ZNF222: variants seen among roughly 807,000 people sequenced by gnomAD.
ZNF222 encodes the protein zinc finger protein 222.
In ZNF222, 8 loss-of-function variants were observed where a neutral mutation model predicts 11.6. That is an observed-to-expected ratio of 0.69 (90% CI 0.41 to 1.25). The LOEUF is 1.25. ZNF222 is among the 50% of genes most tolerant of loss of function. The pLI, the probability that ZNF222 is intolerant of heterozygous loss-of-function variation, is 0.01. For missense variants in ZNF222, 483 were observed against 576.1 expected, an observed-to-expected ratio of 0.84 and a Z score of 1.65; for synonymous variants, 171 against 195.6, an observed-to-expected ratio of 0.87 and a Z score of 1.05.
intron 3 of ZNF222, among the ~76,000 whole-genome samples, chr19:44,030,529 G>C (rs1265872742): frequency 6.6e-6 from 1 of 152,226 alleles, no homozygotes; most frequent in Admixed American, 6.5e-5. Context: ...TATCCTCACA[G>C]TTACTGATTC....
intron 1 of ZNF222, among the ~76,000 whole-genome samples, chr19:44,026,554 A>AT (rs1329786054): frequency 2.2e-4 from 29 of 129,502 alleles, no homozygotes; most frequent in African/African-American, 1.0e-3. Context: ...ATATATATAT[A>AT]TATTTTTTTT....
rs1331848231 is a variant in ZNF222 at position 44,032,881 on chromosome 19, G to A, written c.1327G>A (p.Gly443Arg). ...AAAGCCATTGAAATGTGAAGACTGT[G>A]GAAAGAGGCTTGTATGCCGGTCATA... ...QRKPLKCEDC[G>R]KRLVCRSYCK... Residue 443 changes from glycine (G) to arginine (R), a missense_variant, in exon 4 of 4, where the codon GGA becomes AGA. By Grantham distance (125) the Gly-to-Arg change is moderately radical. Coordinates refer to ENST00000391960, the MANE Select transcript of ZNF222 (RefSeq NM_001129996.2). 2 of 1,613,694 alleles carry A rather than the reference G, an allele frequency of 1.2e-6. No individual in the cohort carries two copies. Among genetic ancestry groups the A allele is most frequent in the African/African-American group, 2.7e-5 (2 of 74,876 alleles).
At chr19:44,031,685 G>A in intron 3 of ZNF222, 132 bp from the exon 4 acceptor site, 1 of 976,822 alleles carries the variant, frequency 1.0e-6, no homozygotes, top group Non-Finnish European at 1.5e-6. Context: ...GCATCACCAT[G>A]TTGGCCAGGA....
chr19:44,029,181 G>GTTTTTTTTT (rs142571594), intron 3 of ZNF222, among the ~76,000 whole-genome samples: 5 of 113,718 alleles, frequency 4.4e-5, no homozygotes, highest in African/African-American at 1.3e-4. Flanking sequence ...TTGTTGGTTT[G>GTTTTTTTTT]TTTTGTTTTG....
At chr19:44,028,593 A>G (rs1220415586) in intron 3 of ZNF222, among the ~76,000 whole-genome samples, 1 of 152,040 alleles carries the variant, frequency 6.6e-6, no homozygotes, top group Admixed American at 6.5e-5. Flanking sequence ...TGTCTCATGT[A>G]TTTTTGTCTA....
chr19:44,025,907 A>G lies in ZNF222; in HGVS notation c.42+429A>G. The G allele has an allele frequency of 9.7e-7, 1 of 1,029,104 alleles. No individual in the cohort carries two copies. Among genetic ancestry groups the G allele is most frequent in the South Asian group, 1.6e-5 (1 of 62,680 alleles). 63.7% of individuals were successfully genotyped at this position (1,029,104 alleles called of 1,614,324 possible). A position where few individuals can be genotyped will look rare whatever the true frequency, so the allele number is the denominator to read the frequency against. Reference sequence around the variant, plus strand: ...GCCGGCCCTTCTGCCTGATCCCTGCAGGACGCTGGATGATCCCTGACGCCT... The same window carrying G: ...GCCGGCCCTTCTGCCTGATCCCTGCGGGACGCTGGATGATCCCTGACGCCT... On this transcript the variant is annotated intron_variant, in intron 1 of 3. Coordinates refer to ENST00000391960, the MANE Select transcript of ZNF222 (RefSeq NM_001129996.2). The surrounding 1 kb of genome is among the most constrained non-coding windows in gnomAD (Gnocchi z 4.6).
rs1165494708 is a variant in ZNF222, at chr19:44,025,467, C to G, written c.31C>G (p.Arg11Gly). 1 of 1,550,304 alleles carries G rather than the reference C, an allele frequency of 6.5e-7. No homozygotes were observed. Among genetic ancestry groups the G allele is most frequent in the South Asian group, 1.2e-5 (1 of 83,944 alleles). MIDSGEKKPG[R>G]RAEEAVTFKD... ...CGATTCAGGAGAAAAGAAGCCTGGG[C>G]GGAGAGCAGAGGTTTGGAGGGGCGC... Residue 11 changes from arginine (R) to glycine (G), a missense_variant, in exon 1 of 4, where the codon CGG (arginine) becomes GGG (glycine). Physicochemically the swap from Arg to Gly is moderately radical, Grantham distance 125 (BLOSUM62 -2). Coordinates refer to ENST00000391960, the MANE Select transcript of ZNF222 (RefSeq NM_001129996.2). This position sits in a 1 kb window ranked among gnomAD's most constrained non-coding sequence, Gnocchi z 4.6.
Position 44,027,472 on chromosome 19 carries a change from CA to C in ZNF222, c.247del (p.Arg83GlufsTer38). 1 of 1,613,960 alleles carries C rather than the reference CA, an allele frequency of 6.2e-7. No individual in the cohort carries two copies. The highest frequency in any genetic ancestry group is 8.5e-7 in the Non-Finnish European group (1 of 1,179,948). ...EKFWVMGTTS[Q>X]REGNLGGKIQ... ...GTTTTGGGTGATGGGGACAACAAGC[CA>C]AAGAGAAGGGAATTTGGGTAAGAAC... On this transcript the variant is annotated frameshift_variant, in exon 3 of 4. Coordinates refer to ENST00000391960, the MANE Select transcript of ZNF222 (RefSeq NM_001129996.2). LOFTEE classifies it low-confidence loss of function (END_TRUNC).
rs374830482 is a variant in ZNF222, at chr19:44,033,078, G to A, written c.*48G>A. The A allele has an allele frequency of 1.0e-4, 147 of 1,401,848 alleles. No homozygotes were observed. The African/African-American group carries it at 1.9e-3, about 19-fold the overall frequency. The allele number at this position is 1,401,848 out of a possible 1,614,324, so 86.8% of individuals were successfully genotyped here. Reference sequence around the variant, plus strand: ...GAAATTTGATACATGTATATAATGTGTGCTGATTAAATCAGTTTAATTTCA... The same window carrying A: ...GAAATTTGATACATGTATATAATGTATGCTGATTAAATCAGTTTAATTTCA... On this transcript the variant is annotated 3_prime_UTR_variant, in exon 4 of 4. Coordinates refer to ENST00000391960, the MANE Select transcript of ZNF222 (RefSeq NM_001129996.2).
chr19:44,025,411 C>G lies in ZNF222; in HGVS notation c.-26C>G. 1.3e-6 allele frequency: 2 copies of G among 1,551,644 alleles called. No homozygotes were observed. The highest frequency in any genetic ancestry group is 1.7e-6 in the Non-Finnish European group (2 of 1,146,958). On this transcript the variant is annotated 5_prime_UTR_variant, in exon 1 of 4. Coordinates refer to ENST00000391960, the MANE Select transcript of ZNF222 (RefSeq NM_001129996.2). This position sits in a 1 kb window ranked among gnomAD's most constrained non-coding sequence, Gnocchi z 4.6. ...TTGCGAGTCCTTCCGAACGAGTCTCCTTTCCTTGGGGCTCGCAACCACCCA... is the reference window on the plus strand; with the variant it reads ...TTGCGAGTCCTTCCGAACGAGTCTCGTTTCCTTGGGGCTCGCAACCACCCA...
chr19:44,028,939 C>A (rs533437279), intron 3 of ZNF222, among the ~76,000 whole-genome samples: 3 of 152,290 alleles, frequency 2.0e-5, no homozygotes, highest in South Asian at 4.2e-4. Context: ...CCTACACACA[C>A]CCTTTCATAT....
chr19:44,025,608 C>A lies in ZNF222; in HGVS notation c.42+130C>A. 2.2e-6 allele frequency: 2 copies of A among 902,454 alleles called. No individual in the cohort carries two copies. The highest frequency in any genetic ancestry group is 3.3e-6 in the Non-Finnish European group (2 of 608,758). The allele number at this position is 902,454 out of a possible 1,614,324, so 55.9% of individuals were successfully genotyped here. The stretch of plus-strand genomic sequence containing the variant: ...TGCCCTACTTTGACCTCGCTTAGTC[C>A]GCCTCCCTCCTCCCTACGTGTGCAG... On this transcript the variant is annotated intron_variant, in intron 1 of 3. Transcript: ENST00000391960. This position sits in a 1 kb window ranked among gnomAD's most constrained non-coding sequence, Gnocchi z 4.6.
At position 44,027,021 on chromosome 19, in the gene ZNF222, A is replaced by G. The variant is rs1277359839; in HGVS notation, c.43-2A>G. ...TGAGGTGACATCTGCTTGATGTTGT[A>G]GGAGGCAGTGACCTTCAAGGATGTG... On this transcript the variant is annotated splice_acceptor_variant, in intron 1 of 3. Transcript: ENST00000391960. LOFTEE classifies it high-confidence loss of function. 1.9e-6 allele frequency: 3 copies of G among 1,613,936 alleles called. No individual in the cohort carries two copies. The highest frequency in any genetic ancestry group is 2.5e-6 in the Non-Finnish European group (3 of 1,179,898).
chr19:44,026,201 T>C (rs1976357184), intron 1 of ZNF222: 1 of 1,042,564 alleles, frequency 9.6e-7, no homozygotes, highest in Non-Finnish European at 1.5e-6. Context: ...ATTGGTAACT[T>C]TATTCCAAGT....
At position 44,025,551 on chromosome 19, in the gene ZNF222, G is replaced by A. The variant is rs1456324219; in HGVS notation, c.42+73G>A. 3.4e-6 allele frequency: 5 copies of A among 1,457,862 alleles called. No homozygotes were observed. The highest frequency in any genetic ancestry group is 4.6e-6 in the Non-Finnish European group (5 of 1,096,838). The allele number at this position is 1,457,862 out of a possible 1,614,324, so 90.3% of individuals were successfully genotyped here. A position where few individuals can be genotyped will look rare whatever the true frequency, so the allele number is the denominator to read the frequency against. On this transcript the variant is annotated intron_variant, in intron 1 of 3. Transcript: ENST00000391960. The surrounding 1 kb of genome is among the most constrained non-coding windows in gnomAD (Gnocchi z 4.6). The stretch of plus-strand genomic sequence containing the variant: ...TCTGGCGTCGGGGGGCTCTGCTAGG[G>A]TCTCAGGGAGTGGGATTGGCGCGGC...
At position 44,032,027 on chromosome 19, in the gene ZNF222, AG is replaced by A; in HGVS notation, c.476del (p.Gly159ValfsTer52). On this transcript the variant is annotated frameshift_variant, in exon 4 of 4. Transcript: ENST00000391960. LOFTEE classifies it low-confidence loss of function (END_TRUNC). ...GTTCACACAAGAGAAAAACCTTTCC[AG>A]GGTGAAAATTGTAAACAGTTCTTCA... ...STVHTREKPF[Q>X]GENCKQFFSD... The A allele has an allele frequency of 6.2e-7, 1 of 1,614,246 alleles. No individual in the cohort carries two copies. The highest frequency in any genetic ancestry group is 1.1e-5 in the South Asian group (1 of 91,084).
intron 3 of ZNF222, among the ~76,000 whole-genome samples, chr19:44,029,754 T>G (rs74685738): frequency 0.013 from 2,033 of 152,340 alleles, 15 homozygotes; most frequent in Non-Finnish European, 0.021. Context: ...TCCAAGATTC[T>G]TTCCATTGGA....
rs747148811 is a variant in ZNF222, at chr19:44,032,275, T to C, written c.721T>C (p.Phe241Leu). ...AAGAGTCCACACTGGAGAGAAACCA[T>C]TCAAATGTGAGCAGTGTGGGAAAGG... ...HQRVHTGEKP[F>L]KCEQCGKGFR... Residue 241 changes from phenylalanine (F) to leucine (L), a missense_variant, in exon 4 of 4, where the codon TTC (phenylalanine) becomes CTC (leucine). Phe to Leu is a conservative substitution (Grantham distance 22). Transcript: ENST00000391960. 1.9e-6 allele frequency: 3 copies of C among 1,614,150 alleles called. No homozygotes were observed. Among genetic ancestry groups the C allele is most frequent in the Non-Finnish European group, 2.5e-6 (3 of 1,180,022 alleles).
Position 44,027,087 on chromosome 19 carries a change from C to T in ZNF222, c.107C>T (p.Pro36Leu), listed in dbSNP as rs200027663. ...FTEEELGLLD[P>L]AQRKLYRDVM... ...GAGGAGGAGCTGGGGCTGCTGGACC[C>T]TGCCCAGAGGAAGCTGTACCGAGAT... Residue 36 changes from proline to leucine, a missense_variant, in exon 2 of 4, where the codon CCT becomes CTT. Physicochemically the swap from Pro to Leu is moderately conservative, Grantham distance 98. Transcript: ENST00000391960. 2.2e-5 allele frequency: 36 copies of T among 1,613,954 alleles called. No individual in the cohort carries two copies. Among genetic ancestry groups the T allele is most frequent in the African/African-American group, 2.7e-5 (2 of 74,882 alleles).
Sources: allele counts gnomAD v4.1 joint callset (sites outside exome capture counted in the v4.1 genomes callset), GRCh38; gene constraint gnomAD v4.1.1; non-coding constraint Gnocchi (gnomAD v3.1); transcripts MANE v1.5; gene names NCBI Gene and HGNC (gene_info 2026-07-23, HGNC 2026-07-21).